The following RPS14 variants were observed in gnomAD, a reference collection of about 807,000 sequenced individuals.
The protein encoded by RPS14 is small ribosomal subunit protein uS11.
In RPS14, 1 loss-of-function variant was observed where a neutral mutation model predicts 15.4. The ratio of observed to expected loss-of-function variants is 0.07; its 90% CI spans 0.02 to 0.31. RPS14 has a LOEUF of 0.31. Ranked by LOEUF, RPS14 falls within the 10% of genes least tolerant of loss-of-function variation. The probability of loss-of-function intolerance (pLI) is 1.00; values close to 1 mark genes in which losing one functional copy is unlikely to be tolerated. For missense variants in RPS14, 69 were observed against 205.5 expected (o/e 0.34, Z 4.06); for synonymous variants, 68 against 74.4 (o/e 0.91, Z 0.44).
rs1400644613 is a variant in RPS14, at chr5:150,446,079, G to A, written c.312-394C>T. Among the ~76,000 whole-genome samples, 1 of 150,148 alleles carries A rather than the reference G, an allele frequency of 6.7e-6. No homozygotes were observed. The highest frequency in any genetic ancestry group is 6.7e-5 in the Admixed American group (1 of 14,982). ...TGCACTCCAGCCTGGGTGAGAGTGA[G>A]ACCCTGTCTCAAAAAAGAGGAAAAA... On this transcript the variant is annotated intron_variant, in intron 3 of 4. Transcript: ENST00000407193. The surrounding 1 kb of genome is among the most constrained non-coding windows in gnomAD (Gnocchi z 4.2).
chr5:150,445,421 TATCAAGGTGACAG>T (rs1320408587), intron 4 of RPS14, 175 bp downstream of exon 4: 3 of 711,048 alleles, frequency 4.2e-6, no homozygotes. Flanking sequence ...AGGACATTCA[TATCAAGGTGACAG>T]AGATATTCAG....
intron 2 of RPS14, 86 bp downstream of exon 2, chr5:150,447,499 G>A (rs1771135512): frequency 7.5e-7 from 1 of 1,327,626 alleles, no homozygotes; most frequent in African/African-American, 1.4e-5. Flanking sequence ...TTTCTTTAGA[G>A]AGAATCCCCT....
rs1459516651 is a variant in RPS14 at position 150,446,561 on chromosome 5, G to C, written c.311+241C>G. Among the ~76,000 whole-genome samples, 1 of 152,198 alleles carries C rather than the reference G, an allele frequency of 6.6e-6. No homozygotes were observed. Among genetic ancestry groups the C allele is most frequent in the Non-Finnish European group, 1.5e-5 (1 of 68,028 alleles). ...GCCTCGGTCCCACACAAGGAGGGTA[G>C]AGACCATGTCTGTTTCCCCATCACT... On this transcript the variant is annotated intron_variant, in intron 3 of 4. Transcript: ENST00000407193. This position sits in a 1 kb window ranked among gnomAD's most constrained non-coding sequence, Gnocchi z 4.2.
intron 4 of RPS14, chr5:150,444,593 C>CAG (rs1369649955): frequency 1.0e-5 from 7 of 668,240 alleles, no homozygotes; most frequent in Non-Finnish European, 1.9e-5. Flanking sequence ...CGCAAGATGT[C>CAG]AGAGGCACAG....
intron 3 of RPS14, 121 bp from the exon 4 acceptor site, chr5:150,445,806 A>G (rs1000272958): frequency 9.1e-6 from 7 of 769,510 alleles, no homozygotes; most frequent in Admixed American, 2.7e-5. Context: ...AGAGCCAGAC[A>G]GGGCTGTACA....
rs1190915600 is a variant in RPS14, at chr5:150,444,302, C to T, written c.440G>A (p.Arg147His). 2 of 1,610,436 alleles carry T rather than the reference C, an allele frequency of 1.2e-6. No homozygotes were observed. The highest frequency in any genetic ancestry group is 1.7e-6 in the Non-Finnish European group (2 of 1,177,716). ...SDSTRRKGGR[R>H]GRRL ...GAATCTTGTTCACAGACGGCGACCA[C>T]GGCGACCCCCCTTCCTGCGAGTGCT... The change falls in exon 5 of 5, where the codon CGT becomes CAT. Residue 147 changes from arginine (R) to histidine (H), a missense_variant. Arg to His is a conservative substitution (Grantham distance 29). Transcript: ENST00000407193.
Position 150,443,100 on chromosome 5 carries a change from C to T in RPS14, c.*1186G>A, listed in dbSNP as rs1354757263. ...TTTAGTTTTCACGCCTCCTTAATCT[C>T]CTGTCCTTGACTTTCATGACTTTTA... On this transcript the variant is annotated 3_prime_UTR_variant, in exon 5 of 5. Coordinates refer to ENST00000407193, the MANE Select transcript of RPS14 (RefSeq NM_005617.4). The T allele has an allele frequency of 2.0e-5, 3 of 152,116 alleles. No individual in the cohort carries two copies. The highest frequency in any genetic ancestry group is 1.9e-4 in the East Asian group (1 of 5,196). The allele number at this position is 152,116 out of a possible 1,614,324, so 9.4% of individuals were successfully genotyped here. A position where few individuals can be genotyped will look rare whatever the true frequency, so the allele number is the denominator to read the frequency against.
At chr5:150,444,443 A>G (rs188754014) in intron 4 of RPS14, 90 bp from the exon 5 acceptor site, 26 of 1,039,378 alleles carry the variant, frequency 2.5e-5, no homozygotes, top group East Asian at 1.4e-4. Flanking sequence ...CCAATCAGCA[A>G]CAGATCCTGC....
intron 4 of RPS14, 157 bp downstream of exon 4, chr5:150,445,451 AT>A (rs1182212750): frequency 1.1e-5 from 8 of 727,958 alleles, no homozygotes; most frequent in Non-Finnish European, 1.8e-5. Flanking sequence ...TCAGGGAGAG[AT>A]TTTTAAGTCA....
rs1491565714 is a variant in RPS14, at chr5:150,443,145, T to TA, written c.*1140dup. Reference sequence around the variant, plus strand: ...CTTTTAACAATTTAAGGAGTACTGTTATATTTTTTTTGCAAGCTTTTTTTT... The same window carrying TA: ...CTTTTAACAATTTAAGGAGTACTGTTAATATTTTTTTTGCAAGCTTTTTTTT... On this transcript the variant is annotated 3_prime_UTR_variant, in exon 5 of 5. Transcript: ENST00000407193. 6.6e-6 allele frequency: 1 copy of TA among 151,070 alleles called. No homozygotes were observed. Among genetic ancestry groups the TA allele is most frequent in the African/African-American group, 2.5e-5 (1 of 40,762 alleles). 9.4% of individuals were successfully genotyped at this position (151,070 alleles called of 1,614,324 possible).
chr5:150,445,227 C>A (rs1208078783), intron 4 of RPS14, among the ~76,000 whole-genome samples: 1 of 152,138 alleles, frequency 6.6e-6, no homozygotes, highest in African/African-American at 2.4e-5. Flanking sequence ...GGCTGTCACA[C>A]GACTGGCATG....
At chr5:150,448,801 A>G (rs1469500639) in intron 1 of RPS14, 1 of 152,152 alleles carries the variant, frequency 6.6e-6, no homozygotes, top group Non-Finnish European at 1.5e-5. Flanking sequence ...CCCTATATAA[A>G]CTTTAGTTAA....
In RPS14 at chr5:150,443,235, T is replaced by C. The variant is rs1477193269; in HGVS notation, c.*1051A>G. The C allele has an allele frequency of 6.6e-6, 1 of 152,096 alleles. No homozygotes were observed. Among genetic ancestry groups the C allele is most frequent in the Non-Finnish European group, 1.5e-5 (1 of 68,028 alleles). 9.4% of individuals were successfully genotyped at this position (152,096 alleles called of 1,614,324 possible). A position where few individuals can be genotyped will look rare whatever the true frequency, so the allele number is the denominator to read the frequency against. On this transcript the variant is annotated 3_prime_UTR_variant, in exon 5 of 5. Transcript: ENST00000407193. ...TGCAGGTTTGTTACATATGTATACA[T>C]GTGCCATGTTGGTGTGCTGCACCCA...
At position 150,447,651 on chromosome 5, in the gene RPS14, A is replaced by G; in HGVS notation, c.83T>C (p.Phe28Ser). ...GPQVAEGENV[F>S]GVCHIFASFN... is the part of the protein sequence containing the mutation. ...GGATGCAAAGATATGGCAGACACCA[A>G]ATACATTCTCTCCTTCAGCCACCTG... The change falls in exon 2 of 5, where the codon TTT becomes TCT. Residue 28 changes from phenylalanine to serine, a missense_variant. Phe to Ser is a radical substitution (Grantham distance 155). Coordinates refer to ENST00000407193, the MANE Select transcript of RPS14 (RefSeq NM_005617.4). 6.2e-7 allele frequency: 1 copy of G among 1,614,024 alleles called. No individual in the cohort carries two copies. Among genetic ancestry groups the G allele is most frequent in the Non-Finnish European group, 8.5e-7 (1 of 1,179,908 alleles).
At chr5:150,444,384 T>TG in intron 4 of RPS14, 31 bp from the exon 5 acceptor site, 1 of 1,592,530 alleles carries the variant, frequency 6.3e-7, no homozygotes. Flanking sequence ...CGTCATTGCC[T>TG]GGAGCTGGAT....
In RPS14 at chr5:150,446,856, T is replaced by C. The variant is rs1771114361; in HGVS notation, c.257A>G (p.Lys86Arg). ...GTGTAGGGCGGTGATACCCAGCTCC[T>C]TGCACCTCTGGGCCACATCCTGGGC... ...LAAQDVAQRC[K>R]ELGITALHIK... is the part of the protein sequence containing the mutation. The change falls in exon 3 of 5, where the codon AAG becomes AGG. Residue 86 changes from lysine (K) to arginine (R), a missense_variant. Transcript: ENST00000407193. This position sits in a 1 kb window ranked among gnomAD's most constrained non-coding sequence, Gnocchi z 4.2. 1 of 1,614,178 alleles carries C rather than the reference T, an allele frequency of 6.2e-7. No homozygotes were observed. Among genetic ancestry groups the C allele is most frequent in the Non-Finnish European group, 8.5e-7 (1 of 1,180,014 alleles).
At position 150,446,779 on chromosome 5, in the gene RPS14, G is replaced by A. The variant is rs1561568154; in HGVS notation, c.311+23C>T. On this transcript the variant is annotated intron_variant, in intron 3 of 4. Coordinates refer to ENST00000407193, the MANE Select transcript of RPS14 (RefSeq NM_005617.4). This position sits in a 1 kb window ranked among gnomAD's most constrained non-coding sequence, Gnocchi z 4.2. ...AGCCCAGCAGGTTTTCTACCACCCA[G>A]CCATCCCCTCTGCGACTCGTACCTA... 2 of 1,608,388 alleles carry A rather than the reference G, an allele frequency of 1.2e-6. No individual in the cohort carries two copies. The highest frequency in any genetic ancestry group is 1.7e-6 in the Non-Finnish European group (2 of 1,176,452).
intron 2 of RPS14, chr5:150,447,282 C>T (rs1278221595): frequency 1.5e-5 from 8 of 524,002 alleles, no homozygotes; most frequent in East Asian, 3.3e-5. Context: ...AAATGGCCGT[C>T]GAACCCGCAC....
At chr5:150,444,627 A>T (rs1222776571) in intron 4 of RPS14, 1 of 637,864 alleles carries the variant, frequency 1.6e-6, no homozygotes, top group Admixed American at 2.1e-5. Flanking sequence ...TCTGACATCT[A>T]GCCCACCGTC....
Sources: allele counts gnomAD v4.1 joint callset (sites outside exome capture counted in the v4.1 genomes callset), GRCh38; gene constraint gnomAD v4.1.1; non-coding constraint Gnocchi (gnomAD v3.1); transcripts MANE v1.5; gene names NCBI Gene and HGNC (gene_info 2026-07-23, HGNC 2026-07-21).